Variants in BEGAIN observed in about 807,000 individuals in gnomAD.
The protein encoded by BEGAIN is brain-enriched guanylate kinase-associated protein.
BEGAIN carries 19 observed loss-of-function variants against 35.8 expected under a neutral mutation model. The ratio of observed to expected loss-of-function variants is 0.53; its 90% confidence interval spans 0.37 to 0.78. The LOEUF (loss-of-function observed/expected upper bound fraction) is 0.78. Ranked by LOEUF, BEGAIN falls within the 30% of genes least tolerant of loss-of-function variation. The probability of loss-of-function intolerance (pLI) is 0.00; values close to 1 mark genes in which losing one functional copy is unlikely to be tolerated. For synonymous variants in BEGAIN, 462 were observed against 388.6 expected (o/e 1.19, Z -2.22); for missense variants, 795 against 853.6 (o/e 0.93, Z 0.85).
At chr14:100,581,545 C>T (rs568080100) in intron 1 of BEGAIN, among the ~76,000 whole-genome samples, 1 of 152,294 alleles carries the variant, frequency 6.6e-6, no homozygotes, top group East Asian at 1.9e-4. Context: ...TGCCAAGCTC[C>T]GTGCTGTGCA....
intron 2 of BEGAIN, chr14:100,550,659 C>CTTG (rs71305100): frequency 0.2 from 77,334 of 396,272 alleles, 10,816 homozygotes; most frequent in East Asian, 0.56. Flanking sequence ...GCCAGGAAAA[C>CTTG]TTGTCATCTG....
intron 1 of BEGAIN, among the ~76,000 whole-genome samples, chr14:100,571,122 C>G (rs1484489376): frequency 6.6e-6 from 1 of 152,194 alleles, no homozygotes; most frequent in Non-Finnish European, 1.5e-5. Flanking sequence ...CGCTGTCCAG[C>G]CCCATTCACA....
At chr14:100,580,960 T>C (rs2035303916) in intron 1 of BEGAIN, among the ~76,000 whole-genome samples, 1 of 152,176 alleles carries the variant, frequency 6.6e-6, no homozygotes, top group Non-Finnish European at 1.5e-5. Flanking sequence ...TCCCACCCTA[T>C]GGTCCCCGAC....
At chr14:100,539,553 C>T (rs2031238800) in intron 6 of BEGAIN, among the ~76,000 whole-genome samples, 1 of 152,164 alleles carries the variant, frequency 6.6e-6, no homozygotes, top group African/African-American at 2.4e-5. Context: ...TCACCTCTCC[C>T]CACCCCACTC....
At chr14:100,584,887 G>A (rs1041393904) in intron 1 of BEGAIN, among the ~76,000 whole-genome samples, 1 of 152,016 alleles carries the variant, frequency 6.6e-6, no homozygotes, top group African/African-American at 2.4e-5. Flanking sequence ...GACCAACACG[G>A]CGAGTCCTAG....
chr14:100,576,027 T>G (rs2035194356), intron 1 of BEGAIN, among the ~76,000 whole-genome samples: 1 of 152,028 alleles, frequency 6.6e-6, no homozygotes, highest in African/African-American at 2.4e-5. Context: ...GAAACAATGC[T>G]TATTAGGTGC....
intron 2 of BEGAIN, among the ~76,000 whole-genome samples, chr14:100,555,059 G>C (rs918337841): frequency 1.3e-5 from 2 of 152,242 alleles, no homozygotes; most frequent in Non-Finnish European, 2.9e-5. Flanking sequence ...TGTCCCCAAA[G>C]CTGCTCGGAC....
At chr14:100,566,390 G>T (rs895249701) in intron 2 of BEGAIN, among the ~76,000 whole-genome samples, 16 of 152,374 alleles carry the variant, frequency 1.1e-4, no homozygotes, top group African/African-American at 3.8e-4. Context: ...GAGAGCCTTG[G>T]CCGGGCACAG....
At chr14:100,584,979 C>A (rs189460846) in intron 1 of BEGAIN, among the ~76,000 whole-genome samples, 1 of 152,274 alleles carries the variant, frequency 6.6e-6, no homozygotes, top group East Asian at 1.9e-4. Flanking sequence ...GGCTTCCACA[C>A]TCCAGCAGGA....
rs915184183 is a variant in BEGAIN at position 100,575,946 on chromosome 14, C to T, written c.43-8007G>A. Among the ~76,000 whole-genome samples the T allele has an allele frequency of 2.6e-5, 4 of 152,138 alleles. No homozygotes were observed. In the South Asian group the frequency reaches 6.2e-4, roughly 24 times the overall value. On this transcript the variant is annotated intron_variant, in intron 1 of 6. Coordinates refer to ENST00000554140, the MANE Select transcript of BEGAIN (RefSeq NM_001385089.1). The stretch of plus-strand genomic sequence containing the variant: ...CCAGCAGCCCCCAGAGGACGGTCTG[C>T]GTGGTAAGTGGAGCCAAGAGCAGCA...
At chr14:100,539,622 C>G (rs1178550066) in intron 6 of BEGAIN, among the ~76,000 whole-genome samples, 1 of 152,076 alleles carries the variant, frequency 6.6e-6, no homozygotes, top group Non-Finnish European at 1.5e-5. Flanking sequence ...GAACCCAGGT[C>G]TGATTCAGGC....
At chr14:100,562,712 C>T (rs1206937844) in intron 2 of BEGAIN, among the ~76,000 whole-genome samples, 1 of 152,222 alleles carries the variant, frequency 6.6e-6, no homozygotes, top group African/African-American at 2.4e-5. Context: ...CTCCTGGTGC[C>T]TTGACCCGGT....
At chr14:100,565,120 C>CTGGAGGGACT (rs2034581690) in intron 2 of BEGAIN, among the ~76,000 whole-genome samples, 2 of 152,222 alleles carry the variant, frequency 1.3e-5, no homozygotes, top group African/African-American at 4.8e-5. Context: ...CCTCTGTCCC[C>CTGGAGGGACT]GGCACTGGAG....
intron 1 of BEGAIN, among the ~76,000 whole-genome samples, chr14:100,587,009 C>A (rs940450640): frequency 6.6e-5 from 10 of 151,832 alleles, no homozygotes; most frequent in African/African-American, 2.4e-4. Context: ...CGGGCGCTCC[C>A]GGCGGCGCGC....
chr14:100,550,413 A>T (rs764355607), intron 2 of BEGAIN: 34 of 398,976 alleles, frequency 8.5e-5, no homozygotes, highest in Non-Finnish European at 1.4e-4. Context: ...GACAACAGGT[A>T]TGTTACCTGT....
At chr14:100,575,618 TGA>T (rs1476098698) in intron 1 of BEGAIN, among the ~76,000 whole-genome samples, 2 of 151,998 alleles carry the variant, frequency 1.3e-5, no homozygotes, top group Admixed American at 6.5e-5. Flanking sequence ...GTGCCCATCA[TGA>T]GATACGATCC....
chr14:100,581,817 AG>A (rs2035322399), intron 1 of BEGAIN, among the ~76,000 whole-genome samples: 2 of 152,250 alleles, frequency 1.3e-5, no homozygotes, highest in Non-Finnish European at 1.5e-5. Flanking sequence ...CTCGGACAGA[AG>A]GGGCATGAGG....
chr14:100,557,131 G>T (rs61992985), intron 2 of BEGAIN, among the ~76,000 whole-genome samples: 1 of 107,004 alleles, frequency 9.3e-6, no homozygotes, highest in Non-Finnish European at 1.9e-5. Context: ...GGGCCCTGCC[G>T]GCCTCTTCCA....
At chr14:100,543,187 G>A (rs978079408) in intron 5 of BEGAIN, among the ~76,000 whole-genome samples, 2 of 152,132 alleles carry the variant, frequency 1.3e-5, no homozygotes, top group Non-Finnish European at 1.5e-5. Context: ...TGCAGCTGGC[G>A]ACTCCCTGGT....
Sources: gnomAD v4.1 joint callset for allele counts (sites outside exome capture counted in the v4.1 genomes callset) on GRCh38, gnomAD v4.1.1 for gene constraint, MANE v1.5 for transcripts, NCBI Gene and HGNC (gene_info 2026-07-23, HGNC 2026-07-21) for gene names.